The following CNTN3 variants were observed in gnomAD, a reference collection of about 807,000 sequenced individuals.
The protein encoded by CNTN3 is contactin-3.
In CNTN3, 60 loss-of-function variants were observed where a neutral mutation model predicts 119.1. The observed-to-expected ratio is 0.50, with a 90% CI of 0.41 to 0.62. The LOEUF (loss-of-function observed/expected upper bound fraction) is 0.62, where lower values mean the gene tolerates loss of function less well. Ranked by LOEUF, CNTN3 falls within the 20% of genes least tolerant of loss-of-function variation. The pLI, the probability that CNTN3 is intolerant of heterozygous loss-of-function variation, is 0.00. For missense variants in CNTN3, 1,101 were observed against 1,242.4 expected, an observed-to-expected ratio of 0.89 and a Z score of 1.71; for synonymous variants, 450 against 438.7, an observed-to-expected ratio of 1.03 and a Z score of -0.32.
chr3:74,553,100 C>T (rs1167936987), intron 1 of CNTN3, among the ~76,000 whole-genome samples: 1 of 150,690 alleles, frequency 6.6e-6, no homozygotes, highest in Non-Finnish European at 1.5e-5. Flanking sequence ...CCCCAACCCC[C>T]ACAGGCCCCC....
At chr3:74,533,465 T>C (rs1383394167) in intron 1 of CNTN3, among the ~76,000 whole-genome samples, 3 of 152,018 alleles carry the variant, frequency 2.0e-5, no homozygotes, top group Admixed American at 6.6e-5. Context: ...TAGATAATAA[T>C]GGCAAACACT....
chr3:74,293,407 C>T (rs1702274446), intron 19 of CNTN3, among the ~76,000 whole-genome samples: 1 of 152,174 alleles, frequency 6.6e-6, no homozygotes, highest in African/African-American at 2.4e-5. Context: ...GGCAAGGTTA[C>T]ATTATGAAAA....
intron 13 of CNTN3, among the ~76,000 whole-genome samples, chr3:74,330,673 A>T (rs888310247): frequency 9.2e-5 from 14 of 152,166 alleles, no homozygotes; most frequent in African/African-American, 3.4e-4. Context: ...TTCCAGAAGA[A>T]GGCATTGCTG....
intron 10 of CNTN3, 112 bp from the exon 11 acceptor site, chr3:74,362,152 G>C (rs1056496148): frequency 8.7e-7 from 1 of 1,148,442 alleles, no homozygotes; most frequent in African/African-American, 1.6e-5. Flanking sequence ...CAGGGTGTCA[G>C]TGCTTGATTT....
At chr3:74,408,408 AG>A (rs1448845723) in intron 5 of CNTN3, among the ~76,000 whole-genome samples, 1 of 152,178 alleles carries the variant, frequency 6.6e-6, no homozygotes, top group East Asian at 1.9e-4. Flanking sequence ...GGTTTTTCAA[AG>A]GTATCACAGA....
chr3:74,485,189 G>A (rs1702830410), intron 4 of CNTN3, among the ~76,000 whole-genome samples: 1 of 151,618 alleles, frequency 6.6e-6, no homozygotes, highest in Non-Finnish European at 1.5e-5. Flanking sequence ...ATCAACCATG[G>A]AAATTGCACT....
rs747130269 is a variant in CNTN3 at position 74,334,765 on chromosome 3, T to C, written c.1638A>G (p.Lys546=). The change falls in exon 13 of 23, where the codon AAA becomes AAG. Residue 546 remains lysine (K), a synonymous_variant. Coordinates refer to ENST00000263665, the MANE Select transcript of CNTN3 (RefSeq NM_020872.3). ...CAACTTTCTCAAAGTGAGATCCATC[T>C]TTCTTAAAATCTGCAAGGGCCCCAT... The part of the protein sequence containing the change: ...YFNGALADFK[K]DGSHFEKVGG... 11 of 1,613,342 alleles carry C rather than the reference T, an allele frequency of 6.8e-6. No homozygotes were observed. The highest frequency in any genetic ancestry group is 2.2e-5 in the South Asian group (2 of 90,994).
At chr3:74,462,832 C>T (rs1193864571) in intron 4 of CNTN3, among the ~76,000 whole-genome samples, 2 of 152,068 alleles carry the variant, frequency 1.3e-5, no homozygotes, top group Non-Finnish European at 2.9e-5. Flanking sequence ...AAAGCCTGTC[C>T]TCACATTATT....
At chr3:74,475,300 T>A (rs937182279) in intron 4 of CNTN3, among the ~76,000 whole-genome samples, 1 of 152,110 alleles carries the variant, frequency 6.6e-6, no homozygotes, top group Non-Finnish European at 1.5e-5. Flanking sequence ...CAAAATTAAA[T>A]CAAATGCATA....
chr3:74,451,220 A>G (rs1702147502), intron 4 of CNTN3, among the ~76,000 whole-genome samples: 1 of 152,104 alleles, frequency 6.6e-6, no homozygotes, highest in Non-Finnish European at 1.5e-5. Flanking sequence ...CTGGTGTGAG[A>G]TGGTATCCCA....
intron 11 of CNTN3, 31 bp downstream of exon 11, chr3:74,361,859 T>C: frequency 6.3e-7 from 1 of 1,577,514 alleles, no homozygotes; most frequent in South Asian, 1.2e-5. Flanking sequence ...GAGAGGAAAG[T>C]AAATGACCAC....
At chr3:74,289,033 A>C (rs915377971) in intron 19 of CNTN3, among the ~76,000 whole-genome samples, 3 of 152,196 alleles carry the variant, frequency 2.0e-5, no homozygotes, top group African/African-American at 7.2e-5. Flanking sequence ...AGATGAGAGA[A>C]AGGAAGGAGC....
At chr3:74,305,631 GA>G (rs1702547996) in intron 13 of CNTN3, among the ~76,000 whole-genome samples, 1 of 151,762 alleles carries the variant, frequency 6.6e-6, no homozygotes, top group Admixed American at 6.6e-5. Flanking sequence ...TGAAGGATAT[GA>G]ACCAGATGGA....
At chr3:74,286,165 A>G (rs1224033109) in intron 19 of CNTN3, among the ~76,000 whole-genome samples, 2 of 152,078 alleles carry the variant, frequency 1.3e-5, no homozygotes. Flanking sequence ...ATTGTTCAGA[A>G]AAGAGTGAAC....
intron 5 of CNTN3, among the ~76,000 whole-genome samples, chr3:74,403,411 T>C (rs1705247439): frequency 6.6e-6 from 1 of 152,178 alleles, no homozygotes; most frequent in South Asian, 2.1e-4. Flanking sequence ...AGGTTGATGG[T>C]TATCCCTTGA....
At chr3:74,514,311 CT>C (rs1361903317) in intron 2 of CNTN3, among the ~76,000 whole-genome samples, 1 of 152,110 alleles carries the variant, frequency 6.6e-6, no homozygotes, top group African/African-American at 2.4e-5. Flanking sequence ...TATTTATCTA[CT>C]GATAGAGAAA....
intron 4 of CNTN3, among the ~76,000 whole-genome samples, chr3:74,482,357 T>A (rs1245836436): frequency 6.6e-6 from 1 of 151,950 alleles, no homozygotes; most frequent in Non-Finnish European, 1.5e-5. Context: ...AAAGACGGCA[T>A]CACTATCCCA....
At chr3:74,582,144 C>T (rs547566205) in intron 1 of CNTN3, among the ~76,000 whole-genome samples, 4 of 152,254 alleles carry the variant, frequency 2.6e-5, no homozygotes, top group South Asian at 2.1e-4. Flanking sequence ...TGGTGGCTCA[C>T]GCCTGTAATC....
chr3:74,343,306 A>G (rs188206046), intron 11 of CNTN3, among the ~76,000 whole-genome samples: 2 of 152,346 alleles, frequency 1.3e-5, no homozygotes, highest in Non-Finnish European at 1.5e-5. Context: ...TCCACTCTCT[A>G]TGTGCAGCAA....
Sources: gnomAD v4.1 joint callset for allele counts (sites outside exome capture counted in the v4.1 genomes callset) on GRCh38, gnomAD v4.1.1 for gene constraint, MANE v1.5 for transcripts, NCBI Gene and HGNC (gene_info 2026-07-23, HGNC 2026-07-21) for gene names.